Variants in DYNC1I1 observed in about 807,000 individuals in gnomAD.
DYNC1I1 encodes the protein cytoplasmic dynein 1 intermediate chain 1.
Under a neutral mutation model 86.6 loss-of-function variants are expected in DYNC1I1, and 43 were observed. The observed-to-expected ratio is 0.50, with a 90% CI of 0.39 to 0.64. The LOEUF is 0.64. DYNC1I1 is among the 30% of genes least tolerant of loss of function. DYNC1I1 has a pLI of 0.00. For missense variants in DYNC1I1, 604 were observed against 788.8 expected (o/e 0.77, Z 2.81); for synonymous variants, 262 against 283.7 (o/e 0.92, Z 0.77).
At chr7:95,840,899 A>G (rs1039428394) in intron 5 of DYNC1I1, among the ~76,000 whole-genome samples, 1 of 152,176 alleles carries the variant, frequency 6.6e-6, no homozygotes, top group African/African-American at 2.4e-5. Context: ...TAATGCATCA[A>G]TTTATTCCAG....
rs372940284 is a variant in DYNC1I1, at chr7:95,980,776, A to G, written c.580+3175A>G. Among the ~76,000 whole-genome samples, 21 of 151,298 alleles carry G rather than the reference A, an allele frequency of 1.4e-4. No homozygotes were observed. The East Asian group carries it at 1.9e-3, about 14-fold the overall frequency. ...TAATCAAAGTTTAGAAAACTTCTATATGTCAGTGTCCTCATGTCTTCATGT... is the reference window on the plus strand; with the variant it reads ...TAATCAAAGTTTAGAAAACTTCTATGTGTCAGTGTCCTCATGTCTTCATGT... On this transcript the variant is annotated intron_variant, in intron 7 of 16. Coordinates refer to ENST00000447467, the MANE Select transcript of DYNC1I1 (RefSeq NM_001135556.2).
At chr7:95,977,428 C>G in intron 6 of DYNC1I1, 84 bp from the exon 7 acceptor site, 2 of 1,276,804 alleles carry the variant, frequency 1.6e-6, no homozygotes, top group Non-Finnish European at 2.2e-6. Context: ...GGAACTTTAC[C>G]CTTTACCCCT....
In DYNC1I1 at chr7:96,035,703, G is replaced by A. The variant is rs1227595850; in HGVS notation, c.1315G>A (p.Val439Met). ...AFPTGDVNNF[V>M]VGSEEGTVYT... ...CCCAACGGGAGACGTCAATAACTTC[G>A]TGGTTGGCAGTGAGGAAGGTACAGT... The change falls in exon 13 of 17, where the codon GTG becomes ATG. Residue 439 changes from valine (V) to methionine (M), a missense_variant. Physicochemically the swap from Val to Met is conservative, Grantham distance 21. Transcript: ENST00000447467. The A allele has an allele frequency of 3.1e-6, 5 of 1,611,932 alleles. No individual in the cohort carries two copies. Among genetic ancestry groups the A allele is most frequent in the East Asian group, 2.2e-5 (1 of 44,756 alleles).
At chr7:96,040,282 T>C (rs931112823) in intron 14 of DYNC1I1, among the ~76,000 whole-genome samples, 11 of 151,934 alleles carry the variant, frequency 7.2e-5, no homozygotes, top group Non-Finnish European at 1.2e-4. Context: ...TAAAATATAA[T>C]TCTCTCCATG....
chr7:95,907,051 C>T lies in DYNC1I1; in HGVS notation c.490+37053C>T, dbSNP rs190284668. On this transcript the variant is annotated intron_variant, in intron 6 of 16. Transcript: ENST00000447467. Reference sequence around the variant, plus strand: ...GAGGAATTAAGCTAAACCACTTAAGCTCTCCAAGCAGCTGTGCTTTCTCAG... The same window carrying T: ...GAGGAATTAAGCTAAACCACTTAAGTTCTCCAAGCAGCTGTGCTTTCTCAG... Among the ~76,000 whole-genome samples the T allele has an allele frequency of 1.2e-3, 188 of 152,300 alleles. 1 individual carries two copies. The highest frequency in any genetic ancestry group is 2.7e-3 in the Admixed American group (41 of 15,300).
At chr7:95,906,576 A>C (rs1225221336) in intron 6 of DYNC1I1, among the ~76,000 whole-genome samples, 1 of 151,004 alleles carries the variant, frequency 6.6e-6, no homozygotes, top group Non-Finnish European at 1.5e-5. Context: ...ACTTCCATTT[A>C]TTCCTAGAAT....
At chr7:95,856,903 CG>C (rs967151805) in intron 5 of DYNC1I1, among the ~76,000 whole-genome samples, 3 of 151,768 alleles carry the variant, frequency 2.0e-5, no homozygotes, top group African/African-American at 7.3e-5. Context: ...CGCTTGAATC[CG>C]GGGGGCAGAG....
At chr7:95,813,457 T>C (rs565848068) in intron 4 of DYNC1I1, 120 bp downstream of exon 4, 15 of 1,269,886 alleles carry the variant, frequency 1.2e-5, no homozygotes, top group South Asian at 1.6e-5. Context: ...TACTTGGACA[T>C]CTTATGTTTA....
chr7:95,980,494 T>C (rs1793429529), intron 7 of DYNC1I1, among the ~76,000 whole-genome samples: 1 of 146,210 alleles, frequency 6.8e-6, no homozygotes, highest in Admixed American at 6.9e-5. Flanking sequence ...AAACTTGACA[T>C]ACACAGTTTC....
In DYNC1I1 at chr7:95,925,211, A is replaced by G. The variant is rs200626275; in HGVS notation, c.491-52301A>G. On this transcript the variant is annotated intron_variant, in intron 6 of 16. Coordinates refer to ENST00000447467, the MANE Select transcript of DYNC1I1 (RefSeq NM_001135556.2). Reference sequence around the variant, plus strand: ...TGGGGACAAGACTTGCCAATATGTTATCAATGTCTTGAGCTTAAAAGTACA... The same window carrying G: ...TGGGGACAAGACTTGCCAATATGTTGTCAATGTCTTGAGCTTAAAAGTACA... 4.6e-5 allele frequency among the ~76,000 whole-genome samples: 7 copies of G among 152,302 alleles called. No individual in the cohort carries two copies. In the East Asian group the frequency reaches 5.8e-4, roughly 13 times the overall value.
At chr7:95,813,986 G>T (rs529222686) in intron 4 of DYNC1I1, among the ~76,000 whole-genome samples, 1 of 152,150 alleles carries the variant, frequency 6.6e-6, no homozygotes, top group Non-Finnish European at 1.5e-5. Context: ...AAAAGGTAAA[G>T]ATGTAAAAAG....
intron 5 of DYNC1I1, among the ~76,000 whole-genome samples, chr7:95,857,987 A>G (rs931465599): frequency 6.6e-6 from 1 of 152,218 alleles, no homozygotes; most frequent in Non-Finnish European, 1.5e-5. Context: ...GAGGGATACA[A>G]TTCTATGCCT....
At chr7:96,102,365 G>C (rs966769573), downstream of DYNC1I1, among the ~76,000 whole-genome samples, 1 of 152,126 alleles carries the variant, frequency 6.6e-6, no homozygotes, top group African/African-American at 2.4e-5. Flanking sequence ...AGATGCCTTG[G>C]TAAGATATAT....
chr7:95,963,071 A>G (rs1320238812), intron 6 of DYNC1I1, among the ~76,000 whole-genome samples: 1 of 152,108 alleles, frequency 6.6e-6, no homozygotes, highest in African/African-American at 2.4e-5. Context: ...GCACTGCTAT[A>G]TATTTGTACA....
At chr7:95,969,238 G>A (rs1793102763) in intron 6 of DYNC1I1, among the ~76,000 whole-genome samples, 1 of 152,128 alleles carries the variant, frequency 6.6e-6, no homozygotes, top group African/African-American at 2.4e-5. Flanking sequence ...GGATAACAAG[G>A]GCCTGAAAGA....
At chr7:95,904,601 A>ATATG (rs1488153169) in intron 6 of DYNC1I1, among the ~76,000 whole-genome samples, 1 of 134,468 alleles carries the variant, frequency 7.4e-6, no homozygotes, top group Admixed American at 7.8e-5. Flanking sequence ...GTAAAAATAC[A>ATATG]TATGTATGTA....
chr7:95,885,987 A>G (rs1039494479), intron 6 of DYNC1I1, among the ~76,000 whole-genome samples: 6 of 152,190 alleles, frequency 3.9e-5, no homozygotes, highest in African/African-American at 1.4e-4. Context: ...TATAAATCCT[A>G]CTTTTAAGAT....
chr7:96,014,969 G>T (rs1464237427), intron 10 of DYNC1I1, among the ~76,000 whole-genome samples: 1 of 152,058 alleles, frequency 6.6e-6, no homozygotes, highest in Non-Finnish European at 1.5e-5. Context: ...GGCTCCACAG[G>T]ATCATTGAAC....
chr7:95,945,318 A>T (rs1397623393), intron 6 of DYNC1I1, among the ~76,000 whole-genome samples: 3 of 152,114 alleles, frequency 2.0e-5, no homozygotes, highest in Non-Finnish European at 4.4e-5. Context: ...ATTGTAAATT[A>T]TAAGAGCAGT....
Sources: allele counts gnomAD v4.1 joint callset (sites outside exome capture counted in the v4.1 genomes callset), GRCh38; gene constraint gnomAD v4.1.1; transcripts MANE v1.5; gene names NCBI Gene and HGNC (gene_info 2026-07-23, HGNC 2026-07-21).